The following TCF12 variants were observed in gnomAD, a reference collection of about 807,000 sequenced individuals.
The protein encoded by TCF12 is DNA-binding protein HTF4.
A neutral mutation model predicts 86.0 loss-of-function variants in TCF12; 45 were observed. The observed-to-expected ratio is 0.52, with a 90% confidence interval of 0.41 to 0.67. The LOEUF is 0.67. Among genes scored for constraint, TCF12 ranks in the 30% least tolerant of loss-of-function variants. TCF12 has a pLI of 0.00. For missense variants in TCF12, 881 were observed against 859.9 expected (o/e 1.02, Z -0.31); for synonymous variants, 330 against 299.6 (o/e 1.10, Z -1.05).
intron 5 of TCF12, among the ~76,000 whole-genome samples, chr15:57,119,018 A>G (rs2051033924): frequency 6.6e-6 from 1 of 152,066 alleles, no homozygotes; most frequent in African/African-American, 2.4e-5. Flanking sequence ...TTGTTTTATC[A>G]TGTACTGTGA....
chr15:57,175,234 T>G (rs2055824086), intron 6 of TCF12, among the ~76,000 whole-genome samples: 1 of 152,156 alleles, frequency 6.6e-6, no homozygotes, highest in Non-Finnish European at 1.5e-5. Context: ...TAGTCCTAGC[T>G]ACTCAGGAAG....
chr15:57,280,178 C>G (rs1484315984), intron 19 of TCF12, among the ~76,000 whole-genome samples: 3 of 152,152 alleles, frequency 2.0e-5, no homozygotes, highest in Non-Finnish European at 4.4e-5. Flanking sequence ...GCATGAGCCA[C>G]CACGCCCAGC....
At chr15:57,166,560 T>G (rs1333554634) in intron 6 of TCF12, 94 bp downstream of exon 6, 5 of 1,104,394 alleles carry the variant, frequency 4.5e-6, no homozygotes, top group Non-Finnish European at 6.5e-6. Context: ...TCCAATTTAT[T>G]TCACTACTGT....
At chr15:56,969,656 G>A (rs1445774322) in intron 3 of TCF12, among the ~76,000 whole-genome samples, 1 of 151,624 alleles carries the variant, frequency 6.6e-6, no homozygotes, top group African/African-American at 2.4e-5. Flanking sequence ...TCCCACCTCG[G>A]CCTCTAGAAG....
chr15:57,099,430 GA>G (rs1184478001), intron 5 of TCF12, among the ~76,000 whole-genome samples: 6 of 151,068 alleles, frequency 4.0e-5, no homozygotes, highest in Non-Finnish European at 8.9e-5. Flanking sequence ...AAAATATAGG[GA>G]AAAAATATAT....
chr15:57,216,345 A>G (rs2058329235), intron 8 of TCF12, among the ~76,000 whole-genome samples: 1 of 152,134 alleles, frequency 6.6e-6, no homozygotes. Context: ...TTGTTGAACT[A>G]GGTGACATGA....
intron 6 of TCF12, among the ~76,000 whole-genome samples, chr15:57,184,335 T>A (rs115451058): frequency 0.012 from 1,775 of 152,262 alleles, 34 homozygotes; most frequent in African/African-American, 0.04. Flanking sequence ...ACCCACTTTC[T>A]CCTCTAAGCT....
intron 3 of TCF12, among the ~76,000 whole-genome samples, chr15:56,986,150 A>G (rs193033894): frequency 4.4e-4 from 67 of 152,320 alleles, no homozygotes; most frequent in Admixed American, 2.2e-3. Flanking sequence ...TTAAAAAGAC[A>G]TAGCATGAGA....
At chr15:57,290,358 AAAAG>A (rs1381355805), downstream of TCF12, among the ~76,000 whole-genome samples, 1 of 151,920 alleles carries the variant, frequency 6.6e-6, no homozygotes, top group Non-Finnish European at 1.5e-5. Flanking sequence ...AAAAAAAAAA[AAAAG>A]AGTGAGCCAG....
At chr15:57,183,948 TC>T (rs2056513786) in intron 6 of TCF12, among the ~76,000 whole-genome samples, 2 of 152,180 alleles carry the variant, frequency 1.3e-5, no homozygotes, top group African/African-American at 2.4e-5. Context: ...GAAATACACT[TC>T]CTGTTCATCA....
At chr15:57,260,187 G>C (rs2060524424) in intron 16 of TCF12, among the ~76,000 whole-genome samples, 1 of 152,082 alleles carries the variant, frequency 6.6e-6, no homozygotes, top group South Asian at 2.1e-4. Context: ...TGTTTCTGTT[G>C]CAAAACAAAT....
chr15:57,155,710 G>A (rs2054068086), intron 5 of TCF12, among the ~76,000 whole-genome samples: 1 of 152,106 alleles, frequency 6.6e-6, no homozygotes, highest in Non-Finnish European at 1.5e-5. Flanking sequence ...CAGGAGGATT[G>A]AACCCAAGAG....
intron 4 of TCF12, among the ~76,000 whole-genome samples, chr15:57,068,547 T>G (rs1276473141): frequency 6.6e-6 from 1 of 152,232 alleles, no homozygotes; most frequent in East Asian, 1.9e-4. Flanking sequence ...AGTCTCTTCC[T>G]GCCAAACTTG....
At chr15:57,157,806 G>A (rs1002539350) in intron 5 of TCF12, among the ~76,000 whole-genome samples, 22 of 151,802 alleles carry the variant, frequency 1.4e-4, no homozygotes, top group African/African-American at 4.6e-4. Context: ...CAGGTGATCC[G>A]CCCACTTTAG....
intron 7 of TCF12, among the ~76,000 whole-genome samples, chr15:57,196,629 A>G (rs1335902426): frequency 1.3e-5 from 2 of 152,236 alleles, no homozygotes; most frequent in East Asian, 3.8e-4. Context: ...AAATAAGATG[A>G]ACAAGTTTTA....
intron 16 of TCF12, among the ~76,000 whole-genome samples, chr15:57,255,408 A>G (rs1019712728): frequency 3.3e-5 from 5 of 152,244 alleles, no homozygotes; most frequent in Admixed American, 6.5e-5. Context: ...CTCCTACTAT[A>G]TGCTGAAGGA....
intron 11 of TCF12, 76 bp downstream of exon 11, chr15:57,232,932 ATG>A: frequency 1.0e-6 from 1 of 984,202 alleles, no homozygotes; most frequent in Non-Finnish European, 1.3e-6. Context: ...ATATATATAT[ATG>A]TATGTTTTAT....
intron 6 of TCF12, among the ~76,000 whole-genome samples, chr15:57,180,944 G>A (rs1412749507): frequency 6.0e-5 from 9 of 149,694 alleles, no homozygotes; most frequent in Admixed American, 4.7e-4. Flanking sequence ...CCTCCTGAGT[G>A]GCTGGGACTA....
At position 57,262,785 on chromosome 15, in the gene TCF12, T is replaced by G. The variant is rs1034527288; in HGVS notation, c.1583-327T>G. Among the ~76,000 whole-genome samples the G allele has an allele frequency of 3.9e-5, 6 of 152,336 alleles. No individual in the cohort carries two copies. The South Asian group carries it at 1.2e-3, about 32-fold the overall frequency. On this transcript the variant is annotated intron_variant, in intron 17 of 20. Transcript: ENST00000333725. ...CCAGGAAGATGTTAAGCTTATGTCC[T>G]TTACCTCTGCAACATCTTAGAAGTT...
Sources: allele counts gnomAD v4.1 joint callset (sites outside exome capture counted in the v4.1 genomes callset), GRCh38; gene constraint gnomAD v4.1.1; transcripts MANE v1.5; gene names NCBI Gene and HGNC (gene_info 2026-07-23, HGNC 2026-07-21).